Variants in FILIP1 observed in about 807,000 individuals in gnomAD.
FILIP1 encodes filamin-A-interacting protein 1.
A neutral mutation model predicts 102.1 loss-of-function variants in FILIP1; 61 were observed. The ratio of observed to expected loss-of-function variants is 0.60; its 90% CI spans 0.49 to 0.74. FILIP1 has a LOEUF of 0.74. FILIP1 is among the 30% of genes least tolerant of loss of function. The pLI is 0.00. For missense variants in FILIP1, 1,314 were observed against 1,441.2 expected (o/e 0.91, Z 1.43); for synonymous variants, 491 against 526.9 (o/e 0.93, Z 0.93).
intron 1 of FILIP1, among the ~76,000 whole-genome samples, chr6:75,439,857 A>C (rs375003248): frequency 6.6e-6 from 1 of 152,240 alleles, no homozygotes; most frequent in East Asian, 1.9e-4. Context: ...TTCTCAATTA[A>C]AGAGGGAAAA....
intron 4 of FILIP1, among the ~76,000 whole-genome samples, chr6:75,340,310 C>T (rs568051540): frequency 1.3e-5 from 2 of 152,144 alleles, no homozygotes; most frequent in East Asian, 3.9e-4. Context: ...CAAACCACAA[C>T]TGTTATATGG....
chr6:75,480,274 G>T (rs1779612840), intron 1 of FILIP1, among the ~76,000 whole-genome samples: 1 of 152,020 alleles, frequency 6.6e-6, no homozygotes, highest in Non-Finnish European at 1.5e-5. Flanking sequence ...CATTTTTATA[G>T]TATTAAAAAT....
rs549228078 is a variant in FILIP1 at position 75,491,877 on chromosome 6, A to T, written c.-7+1537T>A. Among the ~76,000 whole-genome samples the T allele has an allele frequency of 2.6e-5, 4 of 152,348 alleles. No homozygotes were observed. The South Asian group carries it at 8.3e-4, about 32-fold the overall frequency. Reference sequence around the variant, plus strand: ...AAATGCTGCACTTAGTTATCGCCACACTGTCCCACTGACTCCAAAAGAAAT... The same window carrying T: ...AAATGCTGCACTTAGTTATCGCCACTCTGTCCCACTGACTCCAAAAGAAAT... On this transcript the variant is annotated intron_variant, in intron 1 of 5. Transcript: ENST00000237172.
At chr6:75,323,690 G>C (rs1379561671) in intron 4 of FILIP1, among the ~76,000 whole-genome samples, 5 of 152,132 alleles carry the variant, frequency 3.3e-5, no homozygotes, top group Non-Finnish European at 5.9e-5. Context: ...AGAGCAATCA[G>C]TCAAGAAAAA....
In FILIP1 at chr6:75,372,685, GAGAAAGAA is replaced by G. The variant is rs1323660400; in HGVS notation, c.277-9776_277-9769del. Among the ~76,000 whole-genome samples, 19 of 23,480 alleles carry G rather than the reference GAGAAAGAA, an allele frequency of 8.1e-4. 3 individuals carry two copies. Among genetic ancestry groups the G allele is most frequent in the African/African-American group, 4.8e-3 (19 of 3,972 alleles). The allele number at this position is 23,480 out of a possible 152,430, so 15.4% of individuals were successfully genotyped here. A position where few individuals can be genotyped will look rare whatever the true frequency, so the allele number is the denominator to read the frequency against. On this transcript the variant is annotated intron_variant, in intron 2 of 5. Transcript: ENST00000237172. ...AGAAAGAAAGAAAGAAAGAAAGAAA[GAGAAAGAA>G]AGAGAAAGAAAGAAAGAAAGGAAAG...
intron 1 of FILIP1, among the ~76,000 whole-genome samples, chr6:75,443,358 A>G (rs1778338004): frequency 6.6e-6 from 1 of 152,242 alleles, no homozygotes; most frequent in Non-Finnish European, 1.5e-5. Context: ...TATCAAGGAA[A>G]TAAACAATTT....
intron 1 of FILIP1, among the ~76,000 whole-genome samples, chr6:75,450,881 C>A (rs1203470973): frequency 6.6e-6 from 1 of 151,726 alleles, no homozygotes; most frequent in Non-Finnish European, 1.5e-5. Flanking sequence ...CTTGAACCTG[C>A]GAGGCAGAGG....
intron 3 of FILIP1, among the ~76,000 whole-genome samples, chr6:75,361,499 C>A (rs1312297781): frequency 3.3e-5 from 5 of 152,124 alleles, no homozygotes; most frequent in Admixed American, 3.3e-4. Flanking sequence ...ATGTTTTTGA[C>A]CTCTGTGTCT....
intron 1 of FILIP1, among the ~76,000 whole-genome samples, chr6:75,433,071 C>T (rs1777883929): frequency 6.6e-6 from 1 of 152,208 alleles, no homozygotes; most frequent in Non-Finnish European, 1.5e-5. Context: ...TTAATCCAGT[C>T]TATCACTGAT....
intron 1 of FILIP1, among the ~76,000 whole-genome samples, chr6:75,428,152 C>T (rs974301198): frequency 6.6e-6 from 1 of 152,150 alleles, no homozygotes; most frequent in African/African-American, 2.4e-5. Context: ...CTTTTCTTTG[C>T]TAAGTGCCAG....
chr6:75,448,521 A>C (rs533489281), intron 1 of FILIP1, among the ~76,000 whole-genome samples: 10 of 152,252 alleles, frequency 6.6e-5, no homozygotes, highest in African/African-American at 2.2e-4. Flanking sequence ...TTGAACTAAA[A>C]AGCTTCTGCA....
intron 1 of FILIP1, among the ~76,000 whole-genome samples, chr6:75,490,703 T>C (rs1269498031): frequency 2.6e-5 from 4 of 152,020 alleles, no homozygotes; most frequent in Middle Eastern, 6.8e-3. Context: ...AGTCCTGTCA[T>C]ATTTCCCCTT....
intron 2 of FILIP1, among the ~76,000 whole-genome samples, chr6:75,377,320 G>A (rs564400159): frequency 7.9e-5 from 12 of 152,262 alleles, no homozygotes; most frequent in African/African-American, 2.2e-4. Context: ...GGCCTTACAA[G>A]GCCTGTTTAA....
At chr6:75,471,159 C>T (rs1387954021) in intron 1 of FILIP1, among the ~76,000 whole-genome samples, 2 of 72,294 alleles carry the variant, frequency 2.8e-5, no homozygotes, top group South Asian at 1.0e-3. Flanking sequence ...GACCTTGTCT[C>T]AAAAAAAAAA....
intron 4 of FILIP1, among the ~76,000 whole-genome samples, chr6:75,337,630 G>A (rs1206991406): frequency 1.3e-5 from 2 of 151,722 alleles, no homozygotes; most frequent in Admixed American, 1.3e-4. Context: ...GAACATCATA[G>A]GATACACTAG....
chr6:75,406,196 T>C (rs777945343), intron 2 of FILIP1, among the ~76,000 whole-genome samples: 2 of 152,184 alleles, frequency 1.3e-5, no homozygotes, highest in Non-Finnish European at 2.9e-5. Context: ...CCTCACACCT[T>C]CAGACTATTT....
At chr6:75,480,521 AT>A (rs1318414667) in intron 1 of FILIP1, among the ~76,000 whole-genome samples, 1 of 151,978 alleles carries the variant, frequency 6.6e-6, no homozygotes, top group African/African-American at 2.4e-5. Context: ...CTCAAAATTC[AT>A]TTTAATATGT....
intron 2 of FILIP1, among the ~76,000 whole-genome samples, chr6:75,366,824 G>A (rs1775355618): frequency 6.6e-6 from 1 of 152,026 alleles, no homozygotes; most frequent in African/African-American, 2.4e-5. Flanking sequence ...CTACTTTTAG[G>A]AATATTTTTT....
intron 6 of FILIP1, among the ~76,000 whole-genome samples, chr6:75,299,039 T>C (rs1172017375): frequency 6.6e-6 from 1 of 151,844 alleles, no homozygotes. Context: ...TTTTAAAAAT[T>C]AGTGCTTTGG....
Sources: gnomAD v4.1 joint callset for allele counts (sites outside exome capture counted in the v4.1 genomes callset) on GRCh38, gnomAD v4.1.1 for gene constraint, MANE v1.5 for transcripts, NCBI Gene and HGNC (gene_info 2026-07-23, HGNC 2026-07-21) for gene names.